TMEM179B: variants seen among roughly 807,000 people sequenced by gnomAD.
The protein encoded by TMEM179B is transmembrane protein 179B.
A neutral mutation model predicts 18.0 loss-of-function variants in TMEM179B; 13 were observed. The observed-to-expected ratio is 0.72, with a 90% CI of 0.47 to 1.15. The LOEUF (loss-of-function observed/expected upper bound fraction) is 1.15, where lower values mean the gene tolerates loss of function less well. Among genes scored for constraint, TMEM179B ranks in the 50% most tolerant of loss-of-function variants. The pLI is 0.00. For missense variants in TMEM179B, 320 were observed against 270.6 expected, an observed-to-expected ratio of 1.18 and a Z score of -1.28; for synonymous variants, 159 against 117.5, an observed-to-expected ratio of 1.35 and a Z score of -2.29.
chr11:62,789,470 C>G (rs756260230), intron 3 of TMEM179B, 44 bp downstream of exon 3: 1 of 1,612,790 alleles, frequency 6.2e-7, no homozygotes, highest in Non-Finnish European at 8.5e-7. Context: ...TGACTACCTT[C>G]CCTCTGCAGC....
At position 62,790,167 on chromosome 11, in the gene TMEM179B, G is replaced by A. The variant is rs2084342965; in HGVS notation, c.*120G>A. 3.8e-6 allele frequency: 4 copies of A among 1,060,770 alleles called. No homozygotes were observed. The highest frequency in any genetic ancestry group is 3.4e-5 in the South Asian group (2 of 58,154). The allele number at this position is 1,060,770 out of a possible 1,614,324, so 65.7% of individuals were successfully genotyped here. On this transcript the variant is annotated 3_prime_UTR_variant, in exon 5 of 5. Transcript: ENST00000333449. ...TTTCCTTTCGTTGGGGGGTGGGGGG[G>A]AAACATAATGACAGGCCCCCCTCCA...
rs1644200779 is a variant in TMEM179B, at chr11:62,790,150, CG to C, written c.*104del. The stretch of plus-strand genomic sequence containing the variant: ...ATGTTGGGAGTCTTAGTTTTCCTTT[CG>C]TTGGGGGGTGGGGGGGAAACATAAT... On this transcript the variant is annotated 3_prime_UTR_variant, in exon 5 of 5. Coordinates refer to ENST00000333449, the MANE Select transcript of TMEM179B (RefSeq NM_199337.3). 2.2e-6 allele frequency: 1 copy of C among 459,350 alleles called. No individual in the cohort carries two copies. Among genetic ancestry groups the C allele is most frequent in the Middle Eastern group, 8.1e-4 (1 of 1,228 alleles). 28.5% of individuals were successfully genotyped at this position (459,350 alleles called of 1,614,324 possible). A position where few individuals can be genotyped will look rare whatever the true frequency, so the allele number is the denominator to read the frequency against.
Position 62,790,083 on chromosome 11 carries a change from C to T in TMEM179B, c.*36C>T. ...GAGTGCTTCCTGCAGCCGAAGACTC[C>T]ATGCCCAAGTGCCTGTAATCCCCCC... On this transcript the variant is annotated 3_prime_UTR_variant, in exon 5 of 5. Transcript: ENST00000333449. The T allele has an allele frequency of 5.1e-6, 8 of 1,557,914 alleles. No individual in the cohort carries two copies. The highest frequency in any genetic ancestry group is 4.3e-6 in the Non-Finnish European group (5 of 1,151,246).
chr11:62,787,416 T>A lies in TMEM179B; in HGVS notation c.-16T>A. The A allele has an allele frequency of 6.4e-7, 1 of 1,557,740 alleles. No individual in the cohort carries two copies. Among genetic ancestry groups the A allele is most frequent in the Non-Finnish European group, 8.6e-7 (1 of 1,159,870 alleles). Reference sequence around the variant, plus strand: ...GGGGTGCTGCTGCAGCGGCGCTTCCTGGTGGTCAGGGCGCCATGGCGCTGT... The same window carrying A: ...GGGGTGCTGCTGCAGCGGCGCTTCCAGGTGGTCAGGGCGCCATGGCGCTGT... On this transcript the variant is annotated 5_prime_UTR_variant, in exon 1 of 5. Transcript: ENST00000333449.
chr11:62,788,124 C>T (rs1305978776), intron 1 of TMEM179B, among the ~76,000 whole-genome samples: 2 of 152,214 alleles, frequency 1.3e-5, no homozygotes, highest in African/African-American at 2.4e-5. Flanking sequence ...AGAGATCCGC[C>T]GGGCGCGGTG....
At chr11:62,788,033 A>C (rs2084309201) in intron 1 of TMEM179B, 3 of 457,266 alleles carry the variant, frequency 6.6e-6, no homozygotes, top group South Asian at 4.6e-5. Context: ...CCAGCCAGGT[A>C]ATCTGGTTAA....
At chr11:62,788,125 G>A (rs2084310455) in intron 1 of TMEM179B, among the ~76,000 whole-genome samples, 1 of 152,234 alleles carries the variant, frequency 6.6e-6, no homozygotes, top group Admixed American at 6.5e-5. Context: ...GAGATCCGCC[G>A]GGCGCGGTGA....
At chr11:62,787,698 G>A in intron 1 of TMEM179B, 171 bp downstream of exon 1, 1 of 827,208 alleles carries the variant, frequency 1.2e-6, no homozygotes, top group Non-Finnish European at 1.8e-6. Flanking sequence ...CGCGCTTTGT[G>A]GCTCCTCCTG....
At position 62,787,423 on chromosome 11, in the gene TMEM179B, C is replaced by A. The variant is rs762694742; in HGVS notation, c.-9C>A. On this transcript the variant is annotated 5_prime_UTR_variant, in exon 1 of 5. Transcript: ENST00000333449. ...TGCTGCAGCGGCGCTTCCTGGTGGTCAGGGCGCCATGGCGCTGTCCTGGCT... is the reference window on the plus strand; with the variant it reads ...TGCTGCAGCGGCGCTTCCTGGTGGTAAGGGCGCCATGGCGCTGTCCTGGCT... The A allele has an allele frequency of 6.4e-7, 1 of 1,559,782 alleles. No homozygotes were observed. The highest frequency in any genetic ancestry group is 8.6e-7 in the Non-Finnish European group (1 of 1,160,436).
rs750513532 is a variant in TMEM179B at position 62,789,642 on chromosome 11, C to G, written c.461C>G (p.Thr154Ser). 1.9e-6 allele frequency: 3 copies of G among 1,550,420 alleles called. No individual in the cohort carries two copies. The East Asian group carries it at 6.7e-5, about 35-fold the overall frequency. ...AAAATTCCATGGACACCCCCTGGAA[C>G]TGCTCTGCAGTTTTACTCCAACCTA... ...AQKIPWTPPGTALQFYSNLHN... is the reference protein window; with the variant it reads ...AQKIPWTPPGSALQFYSNLHN... The change falls in exon 4 of 5, where the codon ACT (threonine) becomes AGT (serine). Residue 154 changes from threonine (T) to serine (S), a missense_variant. Thr to Ser is a moderately conservative substitution (Grantham distance 58, BLOSUM62 1). Coordinates refer to ENST00000333449, the MANE Select transcript of TMEM179B (RefSeq NM_199337.3).
chr11:62,789,243 G>A (rs771051003), intron 2 of TMEM179B, 33 bp downstream of exon 2: 1 of 1,613,928 alleles, frequency 6.2e-7, no homozygotes, highest in South Asian at 1.1e-5. Context: ...CAGGGGCTGA[G>A]GTAGGATGAG....
Position 62,787,417 on chromosome 11 carries a change from G to C in TMEM179B, c.-15G>C. On this transcript the variant is annotated 5_prime_UTR_variant, in exon 1 of 5. Transcript: ENST00000333449. Reference sequence around the variant, plus strand: ...GGGTGCTGCTGCAGCGGCGCTTCCTGGTGGTCAGGGCGCCATGGCGCTGTC... The same window carrying C: ...GGGTGCTGCTGCAGCGGCGCTTCCTCGTGGTCAGGGCGCCATGGCGCTGTC... 1.3e-6 allele frequency: 2 copies of C among 1,557,220 alleles called. No individual in the cohort carries two copies. The highest frequency in any genetic ancestry group is 1.7e-6 in the Non-Finnish European group (2 of 1,159,550).
Position 62,790,081 on chromosome 11 carries a change from T to TC in TMEM179B, c.*36dup. ...CGGAGTGCTTCCTGCAGCCGAAGAC[T>TC]CCATGCCCAAGTGCCTGTAATCCCC... On this transcript the variant is annotated 3_prime_UTR_variant, in exon 5 of 5. Transcript: ENST00000333449. 6.4e-7 allele frequency: 1 copy of TC among 1,557,600 alleles called. No homozygotes were observed.
chr11:62,787,907 T>C (rs1442926600), intron 1 of TMEM179B: 13 of 522,948 alleles, frequency 2.5e-5, no homozygotes, highest in Non-Finnish European at 4.4e-5. Flanking sequence ...TAAAGCATAG[T>C]GTAGTGGAGA....
rs1248126688 is a variant in TMEM179B at position 62,787,511 on chromosome 11, C to G, written c.80C>G (p.Ala27Gly). 1 of 1,575,932 alleles carries G rather than the reference C, an allele frequency of 6.3e-7. No individual in the cohort carries two copies. Among genetic ancestry groups the G allele is most frequent in the South Asian group, 1.1e-5 (1 of 88,370 alleles). Residue 27 changes from alanine (A) to glycine (G), a missense_variant, in exon 1 of 5, where the codon GCG becomes GGG. By Grantham distance (60) the Ala-to-Gly change is moderately conservative. Coordinates refer to ENST00000333449, the MANE Select transcript of TMEM179B (RefSeq NM_199337.3). The stretch of plus-strand genomic sequence containing the variant: ...CTGTGCGGGGCCGTGGCGGCCGCGG[C>G]GATGACTCGGACCCAGGTGCGGCTG... ...AFLCGAVAAAAMTRTQGSFSG... is the reference protein window; with the variant it reads ...AFLCGAVAAAGMTRTQGSFSG...
rs1011617777 is a variant in TMEM179B, at chr11:62,789,931, C to G, written c.544C>G (p.Leu182Val). The part of the protein sequence containing the change: ...NLVLWCVVLV[L>V]QVVQWKSEAT... ...GGTATTGTGGTGTGTGGTCTTGGTG[C>G]TCCAGGTCGTGCAGTGGAAGTCTGA... The change falls in exon 5 of 5, where the codon CTC becomes GTC. Residue 182 changes from leucine to valine, a missense_variant. Transcript: ENST00000333449. The G allele has an allele frequency of 1.2e-6, 2 of 1,614,020 alleles. No homozygotes were observed. The highest frequency in any genetic ancestry group is 2.7e-5 in the African/African-American group (2 of 74,890).
chr11:62,787,916 G>C (rs1486761002), intron 1 of TMEM179B: 2 of 512,924 alleles, frequency 3.9e-6, no homozygotes, highest in African/African-American at 3.8e-5. Flanking sequence ...GTGTAGTGGA[G>C]ATGATCAAGC....
chr11:62,787,522 AC>A lies in TMEM179B; in HGVS notation c.94del (p.Gln32ArgfsTer16). The A allele has an allele frequency of 1.3e-6, 2 of 1,570,766 alleles. No homozygotes were observed. The highest frequency in any genetic ancestry group is 2.2e-4 in the Middle Eastern group (1 of 4,578). On this transcript the variant is annotated frameshift_variant, in exon 1 of 5. Coordinates refer to ENST00000333449, the MANE Select transcript of TMEM179B (RefSeq NM_199337.3). LOFTEE classifies it high-confidence loss of function. ...GAVAAAAMTR[T>X]QGSFSGRCPL... ...CGTGGCGGCCGCGGCGATGACTCGGACCCAGGTGCGGCTGCGGGGCGGGGTC... is the reference window on the plus strand; with the variant it reads ...CGTGGCGGCCGCGGCGATGACTCGGACCAGGTGCGGCTGCGGGGCGGGGTC...
chr11:62,787,524 C>T lies in TMEM179B; in HGVS notation c.93C>T (p.Thr31=), dbSNP rs751944660. 1.9e-6 allele frequency: 3 copies of T among 1,568,748 alleles called. No homozygotes were observed. The African/African-American group carries it at 4.1e-5, about 21-fold the overall frequency. The change falls in exon 1 of 5, where the codon ACC becomes ACT. Residue 31 remains threonine, a synonymous_variant. Transcript: ENST00000333449. The stretch of plus-strand genomic sequence containing the variant: ...TGGCGGCCGCGGCGATGACTCGGAC[C>T]CAGGTGCGGCTGCGGGGCGGGGTCA... ...GAVAAAAMTR[T]QGSFSGRCPL...
Sources: allele counts gnomAD v4.1 joint callset (sites outside exome capture counted in the v4.1 genomes callset), GRCh38; gene constraint gnomAD v4.1.1; transcripts MANE v1.5; gene names NCBI Gene and HGNC (gene_info 2026-07-23, HGNC 2026-07-21).